The following MACROD2 variants were observed in gnomAD, a reference collection of about 807,000 sequenced individuals.
The protein encoded by MACROD2 is mono-ADP ribosylhydrolase 2.
In MACROD2, 36 loss-of-function variants were observed where a neutral mutation model predicts 70.4. The observed-to-expected ratio is 0.51, with a 90% CI of 0.39 to 0.68. The LOEUF is 0.68. MACROD2 is among the 30% of genes least tolerant of loss of function. The pLI is 0.00. For synonymous variants in MACROD2, 172 were observed against 178.8 expected, an observed-to-expected ratio of 0.96 and a Z score of 0.30; for missense variants, 496 against 538.4, an observed-to-expected ratio of 0.92 and a Z score of 0.78.
At chr20:14,182,788 A>G (rs1278185360) in intron 3 of MACROD2, among the ~76,000 whole-genome samples, 1 of 151,874 alleles carries the variant, frequency 6.6e-6, no homozygotes, top group East Asian at 1.9e-4. Context: ...TTTAGCTTCA[A>G]TAGAAAGACT....
intron 4 of MACROD2, among the ~76,000 whole-genome samples, chr20:14,652,168 A>G (rs1321212679): frequency 1.3e-5 from 2 of 152,170 alleles, no homozygotes; most frequent in Non-Finnish European, 2.9e-5. Flanking sequence ...TATTTTACAT[A>G]TAAGTTTAGA....
At chr20:14,357,728 T>C (rs1480040503) in intron 3 of MACROD2, among the ~76,000 whole-genome samples, 1 of 152,260 alleles carries the variant, frequency 6.6e-6, no homozygotes, top group Non-Finnish European at 1.5e-5. Flanking sequence ...TGCTGGCTTT[T>C]ACTGCTAGTG....
At chr20:15,332,803 GT>G (rs2078007022) in intron 6 of MACROD2, among the ~76,000 whole-genome samples, 1 of 151,666 alleles carries the variant, frequency 6.6e-6, no homozygotes, top group Non-Finnish European at 1.5e-5. Context: ...GTCCTTTTCT[GT>G]TGGGGATAGA....
At chr20:15,605,600 A>G (rs2146697520) in intron 8 of MACROD2, among the ~76,000 whole-genome samples, 2 of 152,254 alleles carry the variant, frequency 1.3e-5, no homozygotes, top group South Asian at 4.2e-4. Context: ...ATTACCTAAT[A>G]GCTAAGAACA....
At chr20:14,700,519 G>A (rs2071183235) in intron 5 of MACROD2, among the ~76,000 whole-genome samples, 1 of 124,012 alleles carries the variant, frequency 8.1e-6, no homozygotes, top group South Asian at 3.1e-4. Flanking sequence ...TAAGACATAT[G>A]GTGGTGTGTG....
chr20:15,899,970 G>A (rs931688271), intron 10 of MACROD2, among the ~76,000 whole-genome samples: 1 of 151,942 alleles, frequency 6.6e-6, no homozygotes, highest in African/African-American at 2.4e-5. Flanking sequence ...TTTATGGAAC[G>A]TAGCTTGTAT....
chr20:15,137,691 C>G (rs969502289), intron 5 of MACROD2, among the ~76,000 whole-genome samples: 2 of 151,584 alleles, frequency 1.3e-5, no homozygotes, highest in African/African-American at 4.8e-5. Flanking sequence ...CACATGTACC[C>G]TAAAACTTAA....
At chr20:15,149,306 C>T (rs562084399) in intron 5 of MACROD2, among the ~76,000 whole-genome samples, 1 of 152,086 alleles carries the variant, frequency 6.6e-6, no homozygotes, top group South Asian at 2.1e-4. Context: ...GTGGCTTGTA[C>T]TATAGCATAG....
intron 5 of MACROD2, among the ~76,000 whole-genome samples, chr20:14,848,768 G>A (rs1473685995): frequency 3.3e-5 from 5 of 152,032 alleles, no homozygotes; most frequent in Non-Finnish European, 7.4e-5. Context: ...TTAAAATAAT[G>A]ATTATTAATT....
chr20:14,325,998 G>C (rs775851675), intron 3 of MACROD2: 4 of 1,613,912 alleles, frequency 2.5e-6, no homozygotes, highest in Non-Finnish European at 2.5e-6. Context: ...ACATTCGAAG[G>C]GGTGCAGTTT....
intron 5 of MACROD2, among the ~76,000 whole-genome samples, chr20:15,148,910 G>T (rs1254118822): frequency 6.6e-6 from 1 of 152,030 alleles, no homozygotes; most frequent in African/African-American, 2.4e-5. Context: ...CTGAAAAACT[G>T]CGTGGCTGTT....
intron 5 of MACROD2, among the ~76,000 whole-genome samples, chr20:14,880,207 A>G (rs1249959292): frequency 1.3e-5 from 2 of 152,146 alleles, no homozygotes; most frequent in Non-Finnish European, 2.9e-5. Flanking sequence ...AAAGATACGT[A>G]TGTCCACAGT....
intron 8 of MACROD2, among the ~76,000 whole-genome samples, chr20:15,667,088 C>T (rs1346455474): frequency 2.0e-5 from 3 of 152,164 alleles, no homozygotes; most frequent in Non-Finnish European, 2.9e-5. Context: ...ACCCAAATCT[C>T]ATGTTGGATT....
chr20:14,781,867 A>T (rs555577164), intron 5 of MACROD2, among the ~76,000 whole-genome samples: 17 of 151,998 alleles, frequency 1.1e-4, no homozygotes, highest in South Asian at 2.1e-4. Context: ...ATCTTTTTTT[A>T]AAAAAATTCC....
intron 8 of MACROD2, among the ~76,000 whole-genome samples, chr20:15,577,455 T>TA (rs1352068261): frequency 2.0e-5 from 3 of 152,156 alleles, no homozygotes; most frequent in Non-Finnish European, 2.9e-5. Context: ...TCATCACAGC[T>TA]AAAAAACATT....
chr20:14,879,770 G>T (rs1406370870), intron 5 of MACROD2, among the ~76,000 whole-genome samples: 1 of 152,026 alleles, frequency 6.6e-6, no homozygotes, highest in African/African-American at 2.4e-5. Context: ...AAGCAAATTA[G>T]TGCTTTAAAA....
At chr20:14,260,188 T>G (rs1345974566) in intron 3 of MACROD2, among the ~76,000 whole-genome samples, 1 of 152,220 alleles carries the variant, frequency 6.6e-6, no homozygotes, top group Non-Finnish European at 1.5e-5. Context: ...TGTGTGTGTT[T>G]GTGTGTAGAA....
At position 14,862,162 on chromosome 20, in the gene MACROD2, T is replaced by TATATATTATACATAA. The variant is rs1363093634; in HGVS notation, c.418+177209_418+177210insTATACATAAATATAT. On this transcript the variant is annotated intron_variant, in intron 5 of 17. Coordinates refer to ENST00000684519, the MANE Select transcript of MACROD2 (RefSeq NM_001351661.2). ...TATATATTATACATAAATATATAAA[T>TATATATTATACATAA]ATATATAAATATATATAAATATATA... Among the ~76,000 whole-genome samples the TATATATTATACATAA allele has an allele frequency of 4.6e-3, 92 of 20,084 alleles. 2 individuals carry two copies. The highest frequency in any genetic ancestry group is 7.0e-3 in the Non-Finnish European group (75 of 10,656). The allele number at this position is 20,084 out of a possible 152,430, so 13.2% of individuals were successfully genotyped here.
chr20:14,682,989 C>T (rs984523037), intron 4 of MACROD2, among the ~76,000 whole-genome samples: 1 of 152,146 alleles, frequency 6.6e-6, no homozygotes, highest in East Asian at 1.9e-4. Flanking sequence ...AAGCAATTCT[C>T]CTGCCTCAGC....
Sources: gnomAD v4.1 joint callset for allele counts (sites outside exome capture counted in the v4.1 genomes callset) on GRCh38, gnomAD v4.1.1 for gene constraint, MANE v1.5 for transcripts, NCBI Gene and HGNC (gene_info 2026-07-23, HGNC 2026-07-21) for gene names.